UMAD1: variants seen among roughly 807,000 people sequenced by gnomAD.
UMAD1 encodes the protein UBAP1-MVB12-associated (UMA)-domain containing protein 1.
Under a neutral mutation model 6.1 loss-of-function variants are expected in UMAD1, and 8 were observed. That is an observed-to-expected ratio of 1.30 (90% CI 0.76 to 2.35). The LOEUF (loss-of-function observed/expected upper bound fraction) is 2.35, where lower values mean the gene tolerates loss of function less well. UMAD1 is among the 30% of genes most tolerant of loss of function. The pLI is 0.00. For missense variants in UMAD1, 130 were observed against 78.4 expected (o/e 1.66, Z -2.49); for synonymous variants, 56 against 31.4 (o/e 1.78, Z -2.61).
chr7:7,866,808 A>G (rs896799939), intron 3 of UMAD1, among the ~76,000 whole-genome samples: 1 of 152,204 alleles, frequency 6.6e-6, no homozygotes, highest in African/African-American at 2.4e-5. Context: ...TAAGCAAGGA[A>G]GAGAATGTGT....
At chr7:7,709,169 T>A (rs1168035898) in intron 2 of UMAD1, among the ~76,000 whole-genome samples, 6 of 152,224 alleles carry the variant, frequency 3.9e-5, no homozygotes, top group African/African-American at 1.4e-4. Context: ...ATTAGTTGTT[T>A]GAAATTGACT....
intron 3 of UMAD1, chr7:7,868,543 T>A (rs17496524): frequency 4.7e-5 from 7 of 149,984 alleles, no homozygotes; most frequent in Non-Finnish European, 1.0e-4. Flanking sequence ...GGTAGAAATA[T>A]TGAAGGAAAG....
chr7:7,785,517 A>G (rs548648046), intron 2 of UMAD1, among the ~76,000 whole-genome samples: 57 of 152,348 alleles, frequency 3.7e-4, no homozygotes, highest in Middle Eastern at 6.8e-3. Flanking sequence ...CCTAAGCACA[A>G]TAGGGGCCAT....
In UMAD1 at chr7:7,694,181, C is replaced by G. The variant is rs552399599; in HGVS notation, c.82+20728C>G. Among the ~76,000 whole-genome samples, 17 of 152,196 alleles carry G rather than the reference C, an allele frequency of 1.1e-4. No individual in the cohort carries two copies. In the South Asian group the frequency reaches 3.3e-3, roughly 30 times the overall value. On this transcript the variant is annotated intron_variant, in intron 2 of 3. Transcript: ENST00000682710. Reference sequence around the variant, plus strand: ...GAATGAAGCATGTTTTCTTTTTCTCCTCATGACTAGTGATAATTGAGTATC... The same window carrying G: ...GAATGAAGCATGTTTTCTTTTTCTCGTCATGACTAGTGATAATTGAGTATC...
chr7:7,747,869 T>G (rs945351672), intron 2 of UMAD1, among the ~76,000 whole-genome samples: 18 of 152,246 alleles, frequency 1.2e-4, no homozygotes, highest in African/African-American at 4.1e-4. Flanking sequence ...AAATTAAATC[T>G]AAATCATTGA....
At chr7:7,720,902 T>C (rs1249591834) in intron 2 of UMAD1, among the ~76,000 whole-genome samples, 3 of 151,218 alleles carry the variant, frequency 2.0e-5, no homozygotes, top group African/African-American at 7.4e-5. Flanking sequence ...TGAAATATAA[T>C]CTGTTTGCAG....
intron 2 of UMAD1, among the ~76,000 whole-genome samples, chr7:7,770,555 A>C (rs987307165): frequency 6.6e-6 from 1 of 152,186 alleles, no homozygotes; most frequent in African/African-American, 2.4e-5. Context: ...GGCAGAAATT[A>C]GAGAGAAAAG....
chr7:7,758,240 T>G (rs1402633586), intron 2 of UMAD1, among the ~76,000 whole-genome samples: 1 of 151,984 alleles, frequency 6.6e-6, no homozygotes, highest in Non-Finnish European at 1.5e-5. Context: ...TTTTCTTACC[T>G]TATTTTGAGA....
intron 2 of UMAD1, among the ~76,000 whole-genome samples, chr7:7,791,337 A>G (rs780979502): frequency 3.3e-5 from 5 of 152,176 alleles, no homozygotes; most frequent in Admixed American, 6.5e-5. Context: ...AGAGCTTTCT[A>G]TTGGCAGTAT....
chr7:7,841,368 G>A (rs1427524451), intron 3 of UMAD1, among the ~76,000 whole-genome samples: 3 of 149,484 alleles, frequency 2.0e-5, no homozygotes, highest in Non-Finnish European at 3.0e-5. Context: ...AGGCTGGAGT[G>A]CAATGGCACG....
intron 3 of UMAD1, among the ~76,000 whole-genome samples, chr7:7,816,709 C>T (rs1563229969): frequency 6.6e-6 from 1 of 152,178 alleles, no homozygotes; most frequent in African/African-American, 2.4e-5. Context: ...ACTTCTTCCT[C>T]TTTCATTCTC....
chr7:7,755,839 A>G (rs1781766353), intron 2 of UMAD1, among the ~76,000 whole-genome samples: 1 of 152,246 alleles, frequency 6.6e-6, no homozygotes, highest in Non-Finnish European at 1.5e-5. Context: ...CCATTTAAAC[A>G]TAAAAGTTAA....
intron 1 of UMAD1, among the ~76,000 whole-genome samples, chr7:7,665,957 A>G (rs564393559): frequency 2.0e-5 from 3 of 151,450 alleles, no homozygotes; most frequent in Non-Finnish European, 4.4e-5. Flanking sequence ...GGTTGTTTCC[A>G]TTTTTTGGTT....
intron 1 of UMAD1, among the ~76,000 whole-genome samples, chr7:7,671,701 C>G (rs757856173): frequency 3.9e-5 from 6 of 151,964 alleles, no homozygotes; most frequent in Non-Finnish European, 5.9e-5. Flanking sequence ...GATTCCTTGT[C>G]TTTTCATCCT....
chr7:7,833,186 TAG>T (rs1328381159), intron 3 of UMAD1, among the ~76,000 whole-genome samples: 1 of 152,010 alleles, frequency 6.6e-6, no homozygotes, highest in African/African-American at 2.4e-5. Context: ...AGTGATAGAC[TAG>T]AGCTGGGCTG....
chr7:7,673,326 A>C lies in UMAD1; in HGVS notation c.-46A>C. Reference sequence around the variant, plus strand: ...TATTTCAGGTAGCAGCAGCAGCAGCAGCAGCAGCAGCAGCAGCAGCAGCAG... The same window carrying C: ...TATTTCAGGTAGCAGCAGCAGCAGCCGCAGCAGCAGCAGCAGCAGCAGCAG... On this transcript the variant is annotated 5_prime_UTR_variant, in exon 2 of 4. Transcript: ENST00000682710. The C allele has an allele frequency of 1.8e-6, 2 of 1,133,292 alleles. No individual in the cohort carries two copies. The highest frequency in any genetic ancestry group is 2.5e-6 in the Non-Finnish European group (2 of 793,368). The allele number at this position is 1,133,292 out of a possible 1,614,324, so 70.2% of individuals were successfully genotyped here.
intron 2 of UMAD1, among the ~76,000 whole-genome samples, chr7:7,674,048 T>C (rs1386449247): frequency 1.3e-5 from 2 of 152,214 alleles, no homozygotes; most frequent in Admixed American, 1.3e-4. Context: ...TTTCTTCCCC[T>C]GAGGAAAAGT....
chr7:7,700,650 G>A (rs1583751890), intron 2 of UMAD1, among the ~76,000 whole-genome samples: 1 of 152,240 alleles, frequency 6.6e-6, no homozygotes, highest in Admixed American at 6.5e-5. Context: ...TACTTTGGGA[G>A]GCCTAGGTGA....
At chr7:7,832,090 A>AT (rs1208375692) in intron 3 of UMAD1, among the ~76,000 whole-genome samples, 1 of 152,184 alleles carries the variant, frequency 6.6e-6, no homozygotes, top group Non-Finnish European at 1.5e-5. Context: ...GTAATAAGCA[A>AT]TTTGTGCTAA....
Sources: allele counts gnomAD v4.1 joint callset (sites outside exome capture counted in the v4.1 genomes callset), GRCh38; gene constraint gnomAD v4.1.1; transcripts MANE v1.5; gene names NCBI Gene and HGNC (gene_info 2026-07-23, HGNC 2026-07-21).